The following SPOCK3 variants were observed in gnomAD, a reference collection of about 807,000 sequenced individuals.
The protein encoded by SPOCK3 is testican-3.
In SPOCK3, 30 loss-of-function variants were observed where a neutral mutation model predicts 56.6. The ratio of observed to expected loss-of-function variants is 0.53; its 90% CI spans 0.40 to 0.72. The LOEUF is 0.72. SPOCK3 is among the 30% of genes least tolerant of loss of function. SPOCK3 has a pLI of 0.00. For missense variants in SPOCK3, 527 were observed against 530.0 expected (o/e 0.99, Z 0.06); for synonymous variants, 196 against 183.3 (o/e 1.07, Z -0.56).
At chr4:167,026,949 C>T (rs1315183024) in intron 3 of SPOCK3, among the ~76,000 whole-genome samples, 2 of 150,810 alleles carry the variant, frequency 1.3e-5, no homozygotes. Context: ...ATGGTTTGTG[C>T]AGAATTTTCT....
intron 4 of SPOCK3, among the ~76,000 whole-genome samples, chr4:166,964,479 A>C (rs2150062659): frequency 6.6e-6 from 1 of 151,966 alleles, no homozygotes; most frequent in South Asian, 2.1e-4. Flanking sequence ...ACAAAATACT[A>C]ATAATTTTAA....
At chr4:167,211,423 CAA>C (rs1734860468) in intron 2 of SPOCK3, among the ~76,000 whole-genome samples, 1 of 152,072 alleles carries the variant, frequency 6.6e-6, no homozygotes, top group South Asian at 2.1e-4. Flanking sequence ...AACGTAAGGA[CAA>C]GAGATTTGGA....
At chr4:166,962,548 T>C (rs977096607) in intron 4 of SPOCK3, among the ~76,000 whole-genome samples, 1 of 152,100 alleles carries the variant, frequency 6.6e-6, no homozygotes, top group Non-Finnish European at 1.5e-5. Flanking sequence ...TGAAATATTT[T>C]AGAGAGGACA....
intron 3 of SPOCK3, among the ~76,000 whole-genome samples, chr4:167,010,645 T>C (rs958586418): frequency 6.6e-6 from 1 of 152,080 alleles, no homozygotes; most frequent in African/African-American, 2.4e-5. Context: ...AATTTGTACA[T>C]GTTGAAAGAA....
chr4:167,138,736 GA>G (rs1462867902), intron 2 of SPOCK3, among the ~76,000 whole-genome samples: 12 of 151,770 alleles, frequency 7.9e-5, no homozygotes, highest in African/African-American at 2.7e-4. Context: ...ATTTGCTTTG[GA>G]AAAGATACCC....
chr4:167,076,314 G>A (rs1046796794), intron 2 of SPOCK3, among the ~76,000 whole-genome samples: 34 of 151,846 alleles, frequency 2.2e-4, no homozygotes, highest in Admixed American at 2.2e-3. Flanking sequence ...CTAATGATAT[G>A]TCCAGAAGGT....
chr4:166,927,959 C>A (rs1165838980), intron 4 of SPOCK3, among the ~76,000 whole-genome samples: 2 of 152,116 alleles, frequency 1.3e-5, no homozygotes, highest in Admixed American at 1.3e-4. Flanking sequence ...ATGCATACGG[C>A]AAATAAGCAC....
intron 4 of SPOCK3, among the ~76,000 whole-genome samples, chr4:166,914,994 A>T (rs1334742376): frequency 6.6e-6 from 1 of 152,150 alleles, no homozygotes; most frequent in East Asian, 1.9e-4. Flanking sequence ...TAAAAATGGT[A>T]CTTTTTATTT....
At chr4:166,815,824 T>G (rs1188713554) in intron 6 of SPOCK3, among the ~76,000 whole-genome samples, 1 of 152,074 alleles carries the variant, frequency 6.6e-6, no homozygotes, top group Non-Finnish European at 1.5e-5. Context: ...TAATAGGTTT[T>G]TATTAATCAA....
chr4:166,785,293 T>C (rs1382479849), intron 7 of SPOCK3, among the ~76,000 whole-genome samples: 1 of 152,068 alleles, frequency 6.6e-6, no homozygotes, highest in Non-Finnish European at 1.5e-5. Flanking sequence ...AAATAAAAAT[T>C]AGGTGTCGAT....
intron 4 of SPOCK3, among the ~76,000 whole-genome samples, chr4:166,996,670 A>G (rs1184518482): frequency 3.9e-5 from 6 of 152,190 alleles, no homozygotes; most frequent in Non-Finnish European, 7.3e-5. Flanking sequence ...AATGACAAAG[A>G]TATCACCTGC....
At chr4:166,848,665 A>G (rs1453824266) in intron 6 of SPOCK3, among the ~76,000 whole-genome samples, 1 of 152,158 alleles carries the variant, frequency 6.6e-6, no homozygotes. Context: ...TTATATCTAC[A>G]TTTGCTACTC....
chr4:166,768,956 C>G (rs1738529101), intron 7 of SPOCK3, among the ~76,000 whole-genome samples: 5 of 152,196 alleles, frequency 3.3e-5, no homozygotes, highest in Non-Finnish European at 5.9e-5. Flanking sequence ...ATCACTGATA[C>G]TCTTTCTTCC....
chr4:166,844,414 A>G (rs962065591), intron 6 of SPOCK3, among the ~76,000 whole-genome samples: 11 of 152,216 alleles, frequency 7.2e-5, no homozygotes, highest in African/African-American at 2.4e-4. Context: ...ATGTTTGATA[A>G]AACATAATTC....
chr4:166,839,485 G>C (rs1747002959), intron 6 of SPOCK3, among the ~76,000 whole-genome samples: 1 of 152,190 alleles, frequency 6.6e-6, no homozygotes, highest in African/African-American at 2.4e-5. Flanking sequence ...GGTAAGAGAA[G>C]AGGGCAAAAA....
At chr4:167,091,850 A>G (rs1341438403) in intron 2 of SPOCK3, among the ~76,000 whole-genome samples, 2 of 152,202 alleles carry the variant, frequency 1.3e-5, no homozygotes, top group Non-Finnish European at 2.9e-5. Context: ...ATAATATTCA[A>G]AATGAAATTA....
chr4:166,848,340 G>C (rs1292964828), intron 6 of SPOCK3, among the ~76,000 whole-genome samples: 1 of 152,282 alleles, frequency 6.6e-6, no homozygotes, highest in South Asian at 2.1e-4. Context: ...TAAAACATTT[G>C]CCTGCCGTTT....
In SPOCK3 at chr4:167,223,896, G is replaced by A. The variant is rs571191743; in HGVS notation, c.189+10089C>T. 4.6e-5 allele frequency among the ~76,000 whole-genome samples: 7 copies of A among 152,006 alleles called. No individual in the cohort carries two copies. In the South Asian group the frequency reaches 6.2e-4, roughly 14 times the overall value. ...ATTTCTAGACAAGGAAGAGTCTGTC[G>A]TATTTTTATTATAAAATTTTTAGTA... On this transcript the variant is annotated intron_variant, in intron 2 of 10. Transcript: ENST00000357545.
intron 2 of SPOCK3, among the ~76,000 whole-genome samples, chr4:167,156,798 G>A (rs1764856739): frequency 6.6e-6 from 1 of 152,066 alleles, no homozygotes; most frequent in Admixed American, 6.6e-5. Context: ...AACATCTGGA[G>A]CTGAAAATGG....
Sources: gnomAD v4.1 joint callset for allele counts (sites outside exome capture counted in the v4.1 genomes callset) on GRCh38, gnomAD v4.1.1 for gene constraint, MANE v1.5 for transcripts, NCBI Gene and HGNC (gene_info 2026-07-23, HGNC 2026-07-21) for gene names.